TFRC: variants seen among roughly 807,000 people sequenced by gnomAD.
TFRC encodes the protein transferrin receptor.
A neutral mutation model predicts 85.8 loss-of-function variants in TFRC; 35 were observed. That is an observed-to-expected ratio of 0.41 (90% CI 0.31 to 0.54). The LOEUF (loss-of-function observed/expected upper bound fraction) is 0.54. Ranked by LOEUF, TFRC falls within the 20% of genes least tolerant of loss-of-function variation. The pLI, the probability that TFRC is intolerant of heterozygous loss-of-function variation, is 0.31. For synonymous variants in TFRC, 362 were observed against 328.6 expected (o/e 1.10, Z -1.10); for missense variants, 828 against 921.5 (o/e 0.90, Z 1.31).
chr3:196,071,338 G>C, intron 6 of TFRC, 58 bp downstream of exon 6: 1 of 1,454,576 alleles, frequency 6.9e-7, no homozygotes, highest in Non-Finnish European at 9.6e-7. Context: ...GAACAGAAAA[G>C]ATGAGTTTTG....
rs192088651 is a variant in TFRC at position 196,071,219 on chromosome 3, A to G, written c.687+177T>C. On this transcript the variant is annotated intron_variant, in intron 6 of 18. Transcript: ENST00000360110. ...AGAAAAAATAAAACAGGACATGGGG[A>G]AAGTGATTAGAGAGAGAAGACAATG... 3.9e-5 allele frequency among the ~76,000 whole-genome samples: 6 copies of G among 152,324 alleles called. No homozygotes were observed. The East Asian group carries it at 1.2e-3, about 29-fold the overall frequency.
intron 15 of TFRC, 44 bp from the exon 16 acceptor site, chr3:196,058,409 T>G (rs370154579): frequency 2.9e-5 from 45 of 1,575,634 alleles, no homozygotes; most frequent in Non-Finnish European, 3.7e-5. Flanking sequence ...TTTTAAAGAA[T>G]AGACTGTTCT....
At chr3:196,073,594 T>C (rs41301363) in intron 4 of TFRC, among the ~76,000 whole-genome samples, 17,713 of 152,206 alleles carry the variant, frequency 0.12, 1,394 homozygotes, top group Middle Eastern at 0.21. Context: ...CTGATGTCCT[T>C]GTCAGCAAAG....
chr3:196,077,201 A>T (rs1718778727), intron 1 of TFRC, 79 bp from the exon 2 acceptor site: 2 of 976,126 alleles, frequency 2.0e-6, no homozygotes, highest in African/African-American at 1.6e-5. Flanking sequence ...AGGCTAAATG[A>T]TACATTAAAT....
At chr3:196,062,808 A>G (rs1330722443) in intron 12 of TFRC, 46 bp downstream of exon 12, 1 of 1,598,008 alleles carries the variant, frequency 6.3e-7, no homozygotes, top group South Asian at 1.1e-5. Flanking sequence ...CAACAGCCTA[A>G]GCCCACAAGC....
chr3:196,058,494 A>G, intron 15 of TFRC, 80 bp downstream of exon 15: 1 of 1,501,722 alleles, frequency 6.7e-7, no homozygotes, highest in Non-Finnish European at 9.2e-7. Flanking sequence ...CAATGCAAGG[A>G]CAGATTTAGA....
Position 196,082,072 on chromosome 3 carries a change from C to G in TFRC, c.-53G>C, listed in dbSNP as rs1719243266. ...GCGCGTCCTCCGTCCCGAGCCGCCA[C>G]CCGATATCCCGACGCTCTGAGGGGA... is the stretch of plus-strand genomic sequence containing the variant. On this transcript the variant is annotated 5_prime_UTR_variant, in exon 1 of 19. Coordinates refer to ENST00000360110, the MANE Select transcript of TFRC (RefSeq NM_001128148.3). 6.5e-6 allele frequency: 1 copy of G among 153,528 alleles called. No homozygotes were observed. Among genetic ancestry groups the G allele is most frequent in the Non-Finnish European group, 1.5e-5 (1 of 68,910 alleles). The allele number at this position is 153,528 out of a possible 1,614,324, so 9.5% of individuals were successfully genotyped here.
Position 196,053,662 on chromosome 3 carries a change from C to G in TFRC, c.1900-104G>C, listed in dbSNP as rs1716534837. 5 of 1,452,624 alleles carry G rather than the reference C, an allele frequency of 3.4e-6. No homozygotes were observed. The Admixed American group carries it at 7.4e-5, about 21-fold the overall frequency. 90.0% of individuals were successfully genotyped at this position (1,452,624 alleles called of 1,614,324 possible). A position where few individuals can be genotyped will look rare whatever the true frequency, so the allele number is the denominator to read the frequency against. On this transcript the variant is annotated intron_variant, in intron 17 of 18. Transcript: ENST00000360110. ...TTAAGTAAGATTCTGATAAAAGGAA[C>G]TCGCAGATAAGCTCAAGACTCCGAA...
chr3:196,080,160 G>A (rs1361730409), intron 1 of TFRC, among the ~76,000 whole-genome samples: 1 of 152,236 alleles, frequency 6.6e-6, no homozygotes, highest in African/African-American at 2.4e-5. Flanking sequence ...CTGGAGTGCA[G>A]TAGCACGATC....
At chr3:196,058,144 C>G in intron 16 of TFRC, 140 bp downstream of exon 16, 5 of 583,336 alleles carry the variant, frequency 8.6e-6, no homozygotes, top group Non-Finnish European at 1.5e-5. Flanking sequence ...TCCTTAAAAA[C>G]TTGTTTTCCT....
chr3:196,066,090 T>C (rs1339137867), intron 9 of TFRC, among the ~76,000 whole-genome samples: 1 of 151,782 alleles, frequency 6.6e-6, no homozygotes, highest in African/African-American at 2.4e-5. Flanking sequence ...GGCAGCCAAT[T>C]GGAAACCATT....
At chr3:196,053,628 T>C in intron 17 of TFRC, 70 bp from the exon 18 acceptor site, 2 of 1,575,378 alleles carry the variant, frequency 1.3e-6, no homozygotes, top group Non-Finnish European at 1.7e-6. Flanking sequence ...CTTTCTAATT[T>C]AACGTGCGTT....
chr3:196,058,490 A>G, intron 15 of TFRC, 84 bp downstream of exon 15: 1 of 1,499,456 alleles, frequency 6.7e-7, no homozygotes, highest in Non-Finnish European at 9.2e-7. Flanking sequence ...AGTTCAATGC[A>G]AGGACAGATT....
chr3:196,062,856 C>T lies in TFRC; in HGVS notation c.1402G>A (p.Glu468Lys). ...TGGGAAGGGATGATAAAGAATACCT[C>T]TAGCCATTCAGTGGCACCAACCGAT... ...FGSVGATEWL[E>K]GYLSSLHLKA... Residue 468 changes from glutamate to lysine, a missense_variant and splice_region_variant, in exon 12 of 19, where the codon GAG becomes AAG. By Grantham distance (56) the Glu-to-Lys change is moderately conservative. Coordinates refer to ENST00000360110, the MANE Select transcript of TFRC (RefSeq NM_001128148.3). 3 of 1,613,912 alleles carry T rather than the reference C, an allele frequency of 1.9e-6. No homozygotes were observed. The highest frequency in any genetic ancestry group is 2.5e-6 in the Non-Finnish European group (3 of 1,179,818).
At chr3:196,071,645 C>T (rs1437709580) in intron 5 of TFRC, 147 bp from the exon 6 acceptor site, 6 of 873,630 alleles carry the variant, frequency 6.9e-6, no homozygotes, top group African/African-American at 6.7e-5. Flanking sequence ...GCCTTTGGGC[C>T]GCATGCGGTG....
Position 196,069,502 on chromosome 3 carries a change from C to T in TFRC, c.754G>A (p.Gly252Arg). The change falls in exon 7 of 19, where the codon GGA becomes AGA. Residue 252 changes from glycine to arginine, a missense_variant. Transcript: ENST00000360110. ...CCTGCTCTGACAATCACTATAGATCCATTCACAGGAGTGTATAAATCCTCA... is the reference window on the plus strand; with the variant it reads ...CCTGCTCTGACAATCACTATAGATCTATTCACAGGAGTGTATAAATCCTCA... ...DFEDLYTPVN[G>R]SIVIVRAGKI... is the part of the protein sequence containing the mutation. The T allele has an allele frequency of 9.3e-6, 15 of 1,613,600 alleles. No individual in the cohort carries two copies. The highest frequency in any genetic ancestry group is 1.3e-5 in the Non-Finnish European group (15 of 1,179,714).
At chr3:196,071,882 C>G in intron 5 of TFRC, 121 bp downstream of exon 5, 1 of 1,105,096 alleles carries the variant, frequency 9.0e-7, no homozygotes, top group Non-Finnish European at 1.3e-6. Context: ...CCAGCCTGGG[C>G]AACAGAGCGA....
rs548909789 is a variant in TFRC, at chr3:196,065,738, T to C, written c.1041-138A>G. On this transcript the variant is annotated intron_variant, in intron 9 of 18. Coordinates refer to ENST00000360110, the MANE Select transcript of TFRC (RefSeq NM_001128148.3). ...CCGGCGAAGTGGCTCACCCCTGTAA[T>C]CCCAGCACTTTGGGAGGCTGAGGCA... 4.3e-5 allele frequency: 37 copies of C among 868,204 alleles called. No homozygotes were observed. In the South Asian group the frequency reaches 7.0e-4, roughly 17 times the overall value. The allele number at this position is 868,204 out of a possible 1,614,324, so 53.8% of individuals were successfully genotyped here.
chr3:196,077,888 C>T (rs961506704), intron 1 of TFRC, among the ~76,000 whole-genome samples: 1 of 152,238 alleles, frequency 6.6e-6, no homozygotes, highest in Middle Eastern at 3.4e-3. Flanking sequence ...ATGAATAGTT[C>T]CTACAAGTGA....
Sources: gnomAD v4.1 joint callset for allele counts (sites outside exome capture counted in the v4.1 genomes callset) on GRCh38, gnomAD v4.1.1 for gene constraint, MANE v1.5 for transcripts, NCBI Gene and HGNC (gene_info 2026-07-23, HGNC 2026-07-21) for gene names.